Variants in BCAS3 observed in about 807,000 individuals in gnomAD.
BCAS3 encodes BCAS3 microtubule associated cell migration factor.
In BCAS3, 53 loss-of-function variants were observed where a neutral mutation model predicts 116.1. The ratio of observed to expected loss-of-function variants is 0.46; its 90% CI spans 0.37 to 0.57. BCAS3 has a LOEUF of 0.57. BCAS3 is among the 20% of genes least tolerant of loss of function. The pLI is 0.00. For missense variants in BCAS3, 917 were observed against 1,165.4 expected, an observed-to-expected ratio of 0.79 and a Z score of 3.10; for synonymous variants, 391 against 408.2, an observed-to-expected ratio of 0.96 and a Z score of 0.51.
intron 9 of BCAS3, among the ~76,000 whole-genome samples, chr17:60,880,416 G>A (rs1013053972): frequency 5.9e-5 from 9 of 152,220 alleles, no homozygotes; most frequent in African/African-American, 2.2e-4. Flanking sequence ...AGCCTCTCAA[G>A]TAGCTGGGAT....
At chr17:61,386,441 G>A (rs1003563078) in intron 23 of BCAS3, among the ~76,000 whole-genome samples, 20 of 152,252 alleles carry the variant, frequency 1.3e-4, no homozygotes, top group Non-Finnish European at 2.2e-4. Flanking sequence ...GTCAGCGTGG[G>A]TGGAGAAATG....
intron 6 of BCAS3, among the ~76,000 whole-genome samples, chr17:60,792,850 C>T (rs2046896271): frequency 6.6e-6 from 1 of 152,112 alleles, no homozygotes; most frequent in South Asian, 2.1e-4. Context: ...TTTAGACTAC[C>T]CAGTCTCAGG....
At chr17:60,847,573 A>G (rs778530037) in intron 7 of BCAS3, among the ~76,000 whole-genome samples, 1 of 152,184 alleles carries the variant, frequency 6.6e-6, no homozygotes, top group Non-Finnish European at 1.5e-5. Context: ...TTTGATTTGC[A>G]TTATCCTAAT....
intron 22 of BCAS3, among the ~76,000 whole-genome samples, chr17:61,092,945 A>T (rs1289101997): frequency 4.1e-5 from 5 of 121,836 alleles, no homozygotes; most frequent in African/African-American, 1.7e-4. Context: ...TCAGTCTGTC[A>T]CTGAGGCTGG....
At chr17:60,978,343 G>A (rs1388801986) in intron 14 of BCAS3, among the ~76,000 whole-genome samples, 1 of 149,632 alleles carries the variant, frequency 6.7e-6, no homozygotes, top group Non-Finnish European at 1.5e-5. Flanking sequence ...ACTTTTTGAT[G>A]GGGTTGTTTG....
chr17:61,254,883 C>T (rs2048670112), intron 22 of BCAS3, among the ~76,000 whole-genome samples: 1 of 148,564 alleles, frequency 6.7e-6, no homozygotes, highest in African/African-American at 2.5e-5. Context: ...AATACAATAA[C>T]AACAAAACCA....
At chr17:60,886,785 G>A (rs1404364536) in intron 9 of BCAS3, among the ~76,000 whole-genome samples, 3 of 152,096 alleles carry the variant, frequency 2.0e-5, no homozygotes, top group East Asian at 1.9e-4. Flanking sequence ...ACCCACTTGA[G>A]GAGGCAGTCT....
intron 13 of BCAS3, among the ~76,000 whole-genome samples, chr17:60,937,919 T>C (rs958258219): frequency 2.6e-5 from 4 of 152,224 alleles, no homozygotes; most frequent in African/African-American, 9.6e-5. Flanking sequence ...CATGTAGATA[T>C]GTATAGATCT....
In BCAS3 at chr17:61,203,151, A is replaced by G. The variant is rs566931322; in HGVS notation, c.2425+118587A>G. Among the ~76,000 whole-genome samples, 90 of 152,032 alleles carry G rather than the reference A, an allele frequency of 5.9e-4. No individual in the cohort carries two copies. The highest frequency in any genetic ancestry group is 2.0e-3 in the African/African-American group (81 of 41,464). Reference sequence around the variant, plus strand: ...AGTTTTTTCCCCTCACAATTTCAAGACTTCTCTTTTATTCTTCTTTTTTTC... The same window carrying G: ...AGTTTTTTCCCCTCACAATTTCAAGGCTTCTCTTTTATTCTTCTTTTTTTC... On this transcript the variant is annotated intron_variant, in intron 22 of 23. Transcript: ENST00000407086. This position sits in a 1 kb window ranked among gnomAD's most constrained non-coding sequence, Gnocchi z 5.7.
Position 61,391,648 on chromosome 17 carries a change from G to A in BCAS3, c.2594-329G>A, listed in dbSNP as rs374212175. On this transcript the variant is annotated intron_variant, in intron 23 of 23. Transcript: ENST00000407086. The surrounding 1 kb of genome is among the most constrained non-coding windows in gnomAD (Gnocchi z 7.7). ...GGGCATGCTGGCTGAGCATGAGTGT[G>A]TGCAGGCGTGGGTACGGGCTCATGA... 2 of 257,150 alleles carry A rather than the reference G, an allele frequency of 7.8e-6. No individual in the cohort carries two copies. Among genetic ancestry groups the A allele is most frequent in the East Asian group, 9.9e-5 (1 of 10,126 alleles). The allele number at this position is 257,150 out of a possible 1,614,324, so 15.9% of individuals were successfully genotyped here. A position where few individuals can be genotyped will look rare whatever the true frequency, so the allele number is the denominator to read the frequency against.
intron 6 of BCAS3, among the ~76,000 whole-genome samples, chr17:60,775,953 T>C (rs1376313492): frequency 2.6e-5 from 4 of 152,306 alleles, no homozygotes; most frequent in Admixed American, 6.5e-5. Context: ...TTGTACTCAG[T>C]GCTCAAAGTG....
In BCAS3 at chr17:60,792,131, AAAAC is replaced by A. The variant is rs770480181; in HGVS notation, c.404-15861_404-15858del. On this transcript the variant is annotated intron_variant, in intron 6 of 23. Coordinates refer to ENST00000407086, the MANE Select transcript of BCAS3 (RefSeq NM_017679.5). Reference sequence around the variant, plus strand: ...GAGCTAGACTCCATCTCAAAAACAAAAAACAAACAAACAAAAATCCCCGTTGTGG... The same window carrying A: ...GAGCTAGACTCCATCTCAAAAACAAAAAACAAACAAAAATCCCCGTTGTGG... 1.3e-4 allele frequency among the ~76,000 whole-genome samples: 20 copies of A among 152,304 alleles called. No homozygotes were observed. In the East Asian group the frequency reaches 1.4e-3, roughly 10 times the overall value.
At chr17:60,738,959 C>T (rs1268923719) in intron 5 of BCAS3, among the ~76,000 whole-genome samples, 2 of 151,878 alleles carry the variant, frequency 1.3e-5, no homozygotes, top group Admixed American at 1.3e-4. Context: ...ATCTTTCATA[C>T]TTTTGCTGCT....
chr17:61,119,539 AAAT>A (rs2075673686), intron 22 of BCAS3, among the ~76,000 whole-genome samples: 1 of 152,130 alleles, frequency 6.6e-6, no homozygotes, highest in African/African-American at 2.4e-5. Flanking sequence ...TTTAAATAAT[AAAT>A]AATAGCTATC....
chr17:61,351,913 A>G (rs1021798136), intron 22 of BCAS3, among the ~76,000 whole-genome samples: 3 of 152,216 alleles, frequency 2.0e-5, no homozygotes, highest in African/African-American at 7.2e-5. Flanking sequence ...CAGAGGACAT[A>G]CAGCTCGTCT....
At chr17:60,888,058 T>G (rs568577262) in intron 9 of BCAS3, among the ~76,000 whole-genome samples, 1 of 152,274 alleles carries the variant, frequency 6.6e-6, no homozygotes, top group East Asian at 1.9e-4. Context: ...GAGGCAAAGA[T>G]TAATCTTTAA....
chr17:60,821,607 A>G (rs1282977336), intron 7 of BCAS3: 1 of 152,160 alleles, frequency 6.6e-6, no homozygotes, highest in South Asian at 2.1e-4. Flanking sequence ...AAGTGGAATC[A>G]TATAGTATGT....
At chr17:60,867,097 T>C (rs1388987903) in intron 7 of BCAS3, among the ~76,000 whole-genome samples, 3 of 150,436 alleles carry the variant, frequency 2.0e-5, no homozygotes, top group Non-Finnish European at 4.4e-5. Context: ...TTCTTTTAGG[T>C]AGGTTTTTTT....
intron 19 of BCAS3, among the ~76,000 whole-genome samples, chr17:61,047,574 T>C (rs1477634434): frequency 6.6e-6 from 1 of 152,044 alleles, no homozygotes; most frequent in Non-Finnish European, 1.5e-5. Context: ...GTTAGCACTG[T>C]ATTTACTCCC....
Sources: allele counts gnomAD v4.1 joint callset (sites outside exome capture counted in the v4.1 genomes callset), GRCh38; gene constraint gnomAD v4.1.1; non-coding constraint Gnocchi (gnomAD v3.1); transcripts MANE v1.5; gene names NCBI Gene and HGNC (gene_info 2026-07-23, HGNC 2026-07-21).